Variants in ROBO2 observed in about 807,000 individuals in gnomAD.
ROBO2 encodes roundabout guidance receptor 2.
A neutral mutation model predicts 160.8 loss-of-function variants in ROBO2; 53 were observed. That is an observed-to-expected ratio of 0.33 (90% CI 0.26 to 0.41). The LOEUF (loss-of-function observed/expected upper bound fraction) is 0.41, where lower values mean the gene tolerates loss of function less well. Ranked by LOEUF, ROBO2 falls within the 10% of genes least tolerant of loss-of-function variation. The probability of loss-of-function intolerance (pLI) is 1.00; values close to 1 mark genes in which losing one functional copy is unlikely to be tolerated. For synonymous variants in ROBO2, 664 were observed against 611.7 expected (o/e 1.09, Z -1.26); for missense variants, 1,577 against 1,722.4 (o/e 0.92, Z 1.49).
intron 2 of ROBO2, among the ~76,000 whole-genome samples, chr3:76,896,960 A>C (rs2074835002): frequency 6.6e-6 from 1 of 152,104 alleles, no homozygotes; most frequent in African/African-American, 2.4e-5. Flanking sequence ...GGCAGTGGAG[A>C]GCTAACTCAC....
At chr3:77,393,652 A>T (rs1033949748) in intron 2 of ROBO2, among the ~76,000 whole-genome samples, 2 of 150,122 alleles carry the variant, frequency 1.3e-5, no homozygotes, top group South Asian at 4.2e-4. Flanking sequence ...CTTTGCAAAG[A>T]CAACTTCACA....
chr3:76,813,094 G>A (rs989645057), intron 2 of ROBO2, among the ~76,000 whole-genome samples: 2 of 151,880 alleles, frequency 1.3e-5, no homozygotes, highest in East Asian at 3.9e-4. Context: ...CAGGAAATTC[G>A]AGTGAACATA....
chr3:76,999,547 A>G (rs144180981), intron 2 of ROBO2, among the ~76,000 whole-genome samples: 2 of 152,236 alleles, frequency 1.3e-5, no homozygotes, highest in African/African-American at 2.4e-5. Flanking sequence ...AGAAATGTCA[A>G]TCATGTTTTA....
At chr3:77,025,357 A>G (rs1217816418) in intron 2 of ROBO2, among the ~76,000 whole-genome samples, 2 of 152,198 alleles carry the variant, frequency 1.3e-5, no homozygotes, top group African/African-American at 4.8e-5. Flanking sequence ...AAAATAGAAT[A>G]GACTATGTCC....
At chr3:76,032,896 A>C (rs1326304832) in intron 2 of ROBO2, among the ~76,000 whole-genome samples, 1 of 152,176 alleles carries the variant, frequency 6.6e-6, no homozygotes, top group South Asian at 2.1e-4. Context: ...CACACATTGA[A>C]GTTAGTTTCA....
chr3:76,371,506 A>G (rs2076098582), intron 2 of ROBO2, among the ~76,000 whole-genome samples: 1 of 151,750 alleles, frequency 6.6e-6, no homozygotes, highest in African/African-American at 2.4e-5. Context: ...TCTGTTATAT[A>G]CGTAATTGTA....
At chr3:77,440,008 T>TA (rs1427266102) in intron 2 of ROBO2, among the ~76,000 whole-genome samples, 2 of 152,204 alleles carry the variant, frequency 1.3e-5, no homozygotes, top group African/African-American at 4.8e-5. Flanking sequence ...AAATAGTTTT[T>TA]ACGTAATATG....
intron 2 of ROBO2, among the ~76,000 whole-genome samples, chr3:77,450,369 C>G (rs944195071): frequency 1.3e-5 from 2 of 152,066 alleles, no homozygotes; most frequent in East Asian, 3.9e-4. Flanking sequence ...ATTTCCATCT[C>G]TAAGCTTAAT....
At chr3:77,552,934 G>T (rs554349971) in intron 8 of ROBO2, among the ~76,000 whole-genome samples, 95 of 151,972 alleles carry the variant, frequency 6.3e-4, no homozygotes, top group African/African-American at 2.2e-3. Flanking sequence ...ATAATTCAGG[G>T]AATTGTAGAG....
At chr3:76,184,602 G>T (rs886372503) in intron 2 of ROBO2, among the ~76,000 whole-genome samples, 2 of 150,534 alleles carry the variant, frequency 1.3e-5, no homozygotes, top group African/African-American at 4.9e-5. Context: ...GATAAGAGGG[G>T]ATTTATTAGG....
At chr3:76,579,428 C>T (rs2085512274) in intron 2 of ROBO2, among the ~76,000 whole-genome samples, 1 of 151,960 alleles carries the variant, frequency 6.6e-6, no homozygotes, top group Admixed American at 6.6e-5. Flanking sequence ...ACCATGAAGT[C>T]ACAGGACAGT....
At chr3:77,597,299 A>G (rs1236711997) in intron 19 of ROBO2, among the ~76,000 whole-genome samples, 2 of 101,954 alleles carry the variant, frequency 2.0e-5, no homozygotes, top group African/African-American at 6.4e-5. Flanking sequence ...TTATCCAAAA[A>G]TAAATAAATA....
At chr3:76,864,854 A>T (rs911550899) in intron 2 of ROBO2, among the ~76,000 whole-genome samples, 29 of 152,170 alleles carry the variant, frequency 1.9e-4, no homozygotes, top group Non-Finnish European at 2.2e-4. Context: ...TTAGCTAAAT[A>T]GATTTGTACT....
intron 2 of ROBO2, among the ~76,000 whole-genome samples, chr3:77,374,061 T>C (rs2072239925): frequency 6.8e-6 from 1 of 147,794 alleles, no homozygotes; most frequent in Non-Finnish European, 1.5e-5. Context: ...TCCCAGCTAC[T>C]GGGGATGCTG....
In ROBO2 at chr3:76,235,941, C is replaced by T. The variant is rs573212568; in HGVS notation, c.109+298339C>T. ...GATGAAGAAAGCAGGGAAGGAAACA[C>T]ATTTAAGTTATCAAAAATAATAGAA... On this transcript the variant is annotated intron_variant, in intron 2 of 26. Coordinates refer to the ROBO2 transcript ENST00000487694. Among the ~76,000 whole-genome samples the T allele has an allele frequency of 2.0e-5, 3 of 152,158 alleles. No individual in the cohort carries two copies. In the East Asian group the frequency reaches 5.8e-4, roughly 29 times the overall value.
chr3:76,536,088 TG>T (rs1376151975), intron 2 of ROBO2, among the ~76,000 whole-genome samples: 18 of 152,128 alleles, frequency 1.2e-4, no homozygotes, highest in Non-Finnish European at 2.4e-4. Context: ...CTTGGCCCAG[TG>T]GCCAGTTTTG....
At chr3:76,369,117 T>A (rs1006487143) in intron 2 of ROBO2, among the ~76,000 whole-genome samples, 5 of 151,992 alleles carry the variant, frequency 3.3e-5, no homozygotes, top group Admixed American at 3.3e-4. Context: ...ACTCTATCCA[T>A]GGCAATGTGG....
intron 2 of ROBO2, among the ~76,000 whole-genome samples, chr3:76,991,216 C>A (rs2149370733): frequency 6.6e-6 from 1 of 152,248 alleles, no homozygotes; most frequent in East Asian, 1.9e-4. Flanking sequence ...TTGCTGCAGA[C>A]ATGTATGCAG....
At chr3:75,966,406 A>G (rs892491975) in intron 2 of ROBO2, among the ~76,000 whole-genome samples, 1 of 151,858 alleles carries the variant, frequency 6.6e-6, no homozygotes, top group East Asian at 2.0e-4. Flanking sequence ...ATGTTTTTAG[A>G]TCAACAGTTT....
Sources: gnomAD v4.1 joint callset for allele counts (sites outside exome capture counted in the v4.1 genomes callset) on GRCh38, gnomAD v4.1.1 for gene constraint, MANE v1.5 for transcripts, NCBI Gene and HGNC (gene_info 2026-07-23, HGNC 2026-07-21) for gene names.